Variants in TMC1 observed in about 807,000 individuals in gnomAD.
TMC1 encodes transmembrane channel-like protein 1.
Under a neutral mutation model 105.8 loss-of-function variants are expected in TMC1, and 84 were observed. The ratio of observed to expected loss-of-function variants is 0.79; its 90% CI spans 0.67 to 0.95. TMC1 has a LOEUF of 0.95. Among genes scored for constraint, TMC1 ranks in the 40% least tolerant of loss-of-function variants. The pLI, the probability that TMC1 is intolerant of heterozygous loss-of-function variation, is 0.00. For synonymous variants in TMC1, 315 were observed against 311.5 expected (o/e 1.01, Z -0.12); for missense variants, 817 against 914.1 (o/e 0.89, Z 1.37).
intron 17 of TMC1, among the ~76,000 whole-genome samples, chr9:72,801,909 G>T (rs995061823): frequency 3.3e-5 from 5 of 152,098 alleles, no homozygotes; most frequent in Non-Finnish European, 7.4e-5. Flanking sequence ...TGAAAGTTAG[G>T]TCACTGCTTG....
intron 13 of TMC1, among the ~76,000 whole-genome samples, chr9:72,787,785 T>C (rs1014144102): frequency 1.3e-5 from 2 of 152,068 alleles, no homozygotes; most frequent in Non-Finnish European, 2.9e-5. Flanking sequence ...TATTCAAGAA[T>C]TGTAGAGTAG....
chr9:72,585,751 T>C (rs1462197358), intron 2 of TMC1, among the ~76,000 whole-genome samples: 1 of 152,172 alleles, frequency 6.6e-6, no homozygotes, highest in Non-Finnish European at 1.5e-5. Context: ...AGATAGGACC[T>C]GGTGGTGAGT....
At chr9:72,739,383 A>C (rs1827351914) in intron 8 of TMC1, among the ~76,000 whole-genome samples, 1 of 152,236 alleles carries the variant, frequency 6.6e-6, no homozygotes, top group African/African-American at 2.4e-5. Flanking sequence ...CATTCAGTCT[A>C]TAACAATGAT....
At chr9:72,743,645 A>C (rs1827437227) in intron 10 of TMC1, among the ~76,000 whole-genome samples, 1 of 151,744 alleles carries the variant, frequency 6.6e-6, no homozygotes. Flanking sequence ...AAGTAGAATA[A>C]GCAATAGTCA....
intron 21 of TMC1, among the ~76,000 whole-genome samples, chr9:72,828,559 T>C (rs1285607958): frequency 6.6e-6 from 1 of 152,218 alleles, no homozygotes; most frequent in African/African-American, 2.4e-5. Context: ...TAATCAGTCC[T>C]AAGAGGGTTT....
intron 5 of TMC1, 77 bp from the exon 6 acceptor site, chr9:72,688,632 C>T: frequency 7.5e-7 from 1 of 1,341,224 alleles, no homozygotes; most frequent in Non-Finnish European, 1.1e-6. Flanking sequence ...ATGATAAAAA[C>T]AATAAAAGTA....
chr9:72,790,583 A>T (rs1463895538), intron 15 of TMC1, among the ~76,000 whole-genome samples: 5 of 152,140 alleles, frequency 3.3e-5, no homozygotes, highest in Non-Finnish European at 5.9e-5. Flanking sequence ...TTTTTGTATA[A>T]ATAAACCATA....
chr9:72,608,367 A>G lies in TMC1; in HGVS notation c.-305-8001A>G, dbSNP rs375389983. Among the ~76,000 whole-genome samples the G allele has an allele frequency of 2.1e-3, 327 of 152,352 alleles. 7 individuals are homozygous for G. The South Asian group carries it at 0.064, about 30-fold the overall frequency. On this transcript the variant is annotated intron_variant, in intron 2 of 23. Coordinates refer to ENST00000297784, the MANE Select transcript of TMC1 (RefSeq NM_138691.3). The stretch of plus-strand genomic sequence containing the variant: ...TAGAAAAAGAAATGAATTTCATTCA[A>G]ATTCCATTCTACTATTTTAAGGTTT...
chr9:72,528,352 G>C (rs1224759463), intron 1 of TMC1, among the ~76,000 whole-genome samples: 2 of 100,148 alleles, frequency 2.0e-5, no homozygotes. Context: ...TTTTTTTTTT[G>C]AGACGGAGTT....
intron 5 of TMC1, among the ~76,000 whole-genome samples, chr9:72,670,166 T>C (rs1425345359): frequency 1.3e-5 from 2 of 152,148 alleles, no homozygotes; most frequent in East Asian, 3.9e-4. Flanking sequence ...GATCAGTGCA[T>C]GTGTGTGGCT....
intron 1 of TMC1, among the ~76,000 whole-genome samples, chr9:72,534,617 T>C (rs1259592188): frequency 6.6e-6 from 1 of 152,210 alleles, no homozygotes; most frequent in African/African-American, 2.4e-5. Flanking sequence ...ATCCCAGATA[T>C]TTCAAAGGCT....
At chr9:72,825,965 G>A (rs1828946217) in intron 20 of TMC1, among the ~76,000 whole-genome samples, 1 of 152,088 alleles carries the variant, frequency 6.6e-6, no homozygotes, top group Non-Finnish European at 1.5e-5. Context: ...CATAATCTGG[G>A]ACTTGCGTGT....
chr9:72,830,825 C>T (rs953269372), intron 23 of TMC1, 143 bp downstream of exon 23: 2 of 724,954 alleles, frequency 2.8e-6, no homozygotes, highest in Non-Finnish European at 4.6e-6. Context: ...TTACCTTCCA[C>T]CTTTTTAGCC....
intron 12 of TMC1, among the ~76,000 whole-genome samples, chr9:72,760,121 G>GA (rs149303392): frequency 4.6e-5 from 7 of 151,984 alleles, no homozygotes; most frequent in Non-Finnish European, 8.8e-5. Context: ...ATTCATAATG[G>GA]AAAATCATAC....
intron 13 of TMC1, among the ~76,000 whole-genome samples, chr9:72,784,627 G>C (rs1828141705): frequency 6.6e-6 from 1 of 152,136 alleles, no homozygotes; most frequent in South Asian, 2.1e-4. Context: ...GTACTATAAA[G>C]ACACATGTAC....
intron 8 of TMC1, among the ~76,000 whole-genome samples, chr9:72,710,889 C>T (rs1459956919): frequency 6.6e-6 from 1 of 152,158 alleles, no homozygotes; most frequent in African/African-American, 2.4e-5. Context: ...CACCTGTCAA[C>T]CCGTCATCCA....
intron 1 of TMC1, among the ~76,000 whole-genome samples, chr9:72,570,047 G>C (rs142538758): frequency 1.3e-5 from 2 of 152,226 alleles, no homozygotes; most frequent in East Asian, 1.9e-4. Flanking sequence ...ACAGGATGAG[G>C]AGCAGATTTC....
rs576842430 is a variant in TMC1 at position 72,761,581 on chromosome 9, A to G, written c.741+6697A>G. Among the ~76,000 whole-genome samples the G allele has an allele frequency of 2.6e-5, 4 of 152,326 alleles. 1 individual carries two copies. In the South Asian group the frequency reaches 8.3e-4, roughly 32 times the overall value. On this transcript the variant is annotated intron_variant, in intron 12 of 23. Coordinates refer to ENST00000297784, the MANE Select transcript of TMC1 (RefSeq NM_138691.3). ...TATTATGTGTTAAGTAGGTACATACATTAAATTTTATCCTCATAACAACTG... is the reference window on the plus strand; with the variant it reads ...TATTATGTGTTAAGTAGGTACATACGTTAAATTTTATCCTCATAACAACTG...
intron 1 of TMC1, among the ~76,000 whole-genome samples, chr9:72,563,628 G>A (rs1320828547): frequency 6.6e-6 from 1 of 152,182 alleles, no homozygotes; most frequent in Admixed American, 6.5e-5. Flanking sequence ...ACTGGGCGCA[G>A]TGGCTCATGC....
Sources: gnomAD v4.1 joint callset for allele counts (sites outside exome capture counted in the v4.1 genomes callset) on GRCh38, gnomAD v4.1.1 for gene constraint, MANE v1.5 for transcripts, NCBI Gene and HGNC (gene_info 2026-07-23, HGNC 2026-07-21) for gene names.